The following ATP5PO variants were observed in gnomAD, a reference collection of about 807,000 sequenced individuals.
ATP5PO encodes ATP synthase peripheral stalk subunit OSCP, also known as ATP synthase peripheral stalk subunit OSCP, mitochondrial.
A neutral mutation model predicts 26.2 loss-of-function variants in ATP5PO; 14 were observed. The ratio of observed to expected loss-of-function variants is 0.53; its 90% CI spans 0.35 to 0.83. The LOEUF (loss-of-function observed/expected upper bound fraction) is 0.83. Ranked by LOEUF, ATP5PO falls within the 40% of genes least tolerant of loss-of-function variation. The pLI is 0.01. For synonymous variants in ATP5PO, 106 were observed against 95.1 expected (o/e 1.12, Z -0.67); for missense variants, 241 against 258.5 (o/e 0.93, Z 0.46).
chr21:33,908,006 A>T (rs1987196627), intron 4 of ATP5PO, among the ~76,000 whole-genome samples: 1 of 151,788 alleles, frequency 6.6e-6, no homozygotes, highest in Non-Finnish European at 1.5e-5. Flanking sequence ...AAAAAACTAA[A>T]AAATTAGCTG....
chr21:33,913,886 TCTC>T (rs951775562), intron 2 of ATP5PO, among the ~76,000 whole-genome samples: 56 of 152,176 alleles, frequency 3.7e-4, no homozygotes, highest in African/African-American at 1.3e-3. Flanking sequence ...CTCAAGCAAT[TCTC>T]CTACCTCAGC....
At chr21:33,911,166 G>T (rs888950432) in intron 3 of ATP5PO, among the ~76,000 whole-genome samples, 2 of 152,172 alleles carry the variant, frequency 1.3e-5, no homozygotes, top group Non-Finnish European at 2.9e-5. Flanking sequence ...GCAACAGAAT[G>T]TGTAGAAACT....
At chr21:33,914,272 A>G (rs1194304272) in intron 2 of ATP5PO, among the ~76,000 whole-genome samples, 178 bp downstream of exon 2, 1 of 152,244 alleles carries the variant, frequency 6.6e-6, no homozygotes, top group Non-Finnish European at 1.5e-5. Context: ...CCTGTCAAAA[A>G]GCAAATACTC....
Position 33,903,996 on chromosome 21 carries a change from T to A in ATP5PO, c.467A>T (p.Glu156Val), listed in dbSNP as rs1987136560. 6.2e-7 allele frequency: 1 copy of A among 1,613,536 alleles called. No homozygotes were observed. Among genetic ancestry groups the A allele is most frequent in the Non-Finnish European group, 8.5e-7 (1 of 1,179,752 alleles). The stretch of plus-strand genomic sequence containing the variant: ...GAAGCTCTTGAGGACAGTTTTTAAT[T>A]CAGAGAGTGTGGCTTCTTCTAAAGG... ...ASPLEEATLS[E>V]LKTVLKSFLS... The change falls in exon 6 of 7, where the codon GAA becomes GTA. Residue 156 changes from glutamate (E) to valine (V), a missense_variant. Physicochemically the swap from Glu to Val is moderately radical, Grantham distance 121. Around this residue, in one of 3 missense-constraint regions of ATP5PO, gnomAD observed 77 missense variants for 74.5 expected, o/e 1.03. Transcript: ENST00000290299.
At chr21:33,913,526 C>T (rs1987275198) in intron 2 of ATP5PO, among the ~76,000 whole-genome samples, 1 of 152,122 alleles carries the variant, frequency 6.6e-6, no homozygotes, top group Non-Finnish European at 1.5e-5. Flanking sequence ...CTTCATGTTC[C>T]AACAGGGTTG....
chr21:33,906,915 C>T (rs556064800), intron 5 of ATP5PO: 22 of 383,872 alleles, frequency 5.7e-5, no homozygotes, highest in South Asian at 4.2e-4. Context: ...CACCTGAGCC[C>T]AGGAGGTTGA....
chr21:33,903,914 C>T (rs778408670), intron 6 of ATP5PO, 21 bp downstream of exon 6: 26 of 1,576,162 alleles, frequency 1.6e-5, no homozygotes, highest in Non-Finnish European at 2.1e-5. Flanking sequence ...GAAAACGTAC[C>T]ATAAATAATT....
chr21:33,915,750 G>C lies in ATP5PO; in HGVS notation c.14C>G (p.Ala5Gly). Residue 5 changes from alanine to glycine, a missense_variant, in exon 1 of 7, where the codon GCA (alanine) becomes GGA (glycine). Ala to Gly is a moderately conservative substitution (Grantham distance 60, BLOSUM62 0). Coordinates refer to ENST00000290299, the MANE Select transcript of ATP5PO (RefSeq NM_001697.3). ...CACCTGCCGGGAGAGCCCGGACACT[G>C]CTGGGGCAGCCATCTTCTCCCGGGC... is the stretch of plus-strand genomic sequence containing the variant. MAAP[A>G]VSGLSRQVRC... 1 of 1,576,398 alleles carries C rather than the reference G, an allele frequency of 6.3e-7. No individual in the cohort carries two copies. Among genetic ancestry groups the C allele is most frequent in the Middle Eastern group, 1.7e-4 (1 of 6,018 alleles).
chr21:33,914,740 T>G, intron 1 of ATP5PO: 1 of 489,162 alleles, frequency 2.0e-6, no homozygotes, highest in Non-Finnish European at 3.6e-6. Context: ...TTGCTAGGAA[T>G]GGACCGAGGC....
chr21:33,914,415 A>G (rs761317773), intron 2 of ATP5PO, 35 bp downstream of exon 2: 15 of 1,595,420 alleles, frequency 9.4e-6, no homozygotes, highest in Non-Finnish European at 1.3e-5. Flanking sequence ...ACTTTCGCGT[A>G]CTTTATCATT....
At chr21:33,904,894 T>C (rs6517195) in intron 5 of ATP5PO, among the ~76,000 whole-genome samples, 49,480 of 151,884 alleles carry the variant, frequency 0.33, 8,124 homozygotes, top group African/African-American at 0.39. Context: ...GCGCATGCCA[T>C]CACACCCGGC....
chr21:33,903,732 TGTAA>T (rs1393760882), intron 6 of ATP5PO, 93 bp from the exon 7 acceptor site: 1 of 1,360,214 alleles, frequency 7.4e-7, no homozygotes, highest in Non-Finnish European at 1.0e-6. Flanking sequence ...GTTGCACAAA[TGTAA>T]GAGGTTATAA....
Position 33,915,064 on chromosome 21 carries a change from C to A in ATP5PO, c.37-564G>T, listed in dbSNP as rs1011835773. On this transcript the variant is annotated intron_variant, in intron 1 of 6. Coordinates refer to ENST00000290299, the MANE Select transcript of ATP5PO (RefSeq NM_001697.3). Reference sequence around the variant, plus strand: ...AGATCACAGGTCACCTTCAAATACTCCAGCTATGGAACGTGTTTTATCAAA... The same window carrying A: ...AGATCACAGGTCACCTTCAAATACTACAGCTATGGAACGTGTTTTATCAAA... 7.8e-5 allele frequency: 12 copies of A among 153,426 alleles called. No individual in the cohort carries two copies. In the Admixed American group the frequency reaches 7.8e-4, roughly 10 times the overall value. The allele number at this position is 153,426 out of a possible 1,614,324, so 9.5% of individuals were successfully genotyped here.
chr21:33,909,529 G>A (rs1340627928), intron 3 of ATP5PO, among the ~76,000 whole-genome samples: 3 of 152,090 alleles, frequency 2.0e-5, no homozygotes, highest in African/African-American at 7.2e-5. Flanking sequence ...GCCTCCCAAA[G>A]TGCTGCGATT....
intron 3 of ATP5PO, among the ~76,000 whole-genome samples, chr21:33,909,448 T>C (rs1479453830): frequency 6.6e-6 from 1 of 152,076 alleles, no homozygotes; most frequent in East Asian, 1.9e-4. Flanking sequence ...GTATTTTTAG[T>C]AGAAACGGGG....
intron 5 of ATP5PO, chr21:33,906,438 T>C (rs1987173665): frequency 3.0e-6 from 1 of 329,210 alleles, no homozygotes. Flanking sequence ...GTGTTCAAAT[T>C]CTAGTCCCAC....
At position 33,903,619 on chromosome 21, in the gene ATP5PO, AC is replaced by A. The variant is rs1217076799; in HGVS notation, c.548del (p.Gly183ValfsTer3). On this transcript the variant is annotated frameshift_variant, in exon 7 of 7. Transcript: ENST00000290299. LOFTEE classifies it high-confidence loss of function. ...TCTCGCCAATGCGCACAATCATTCC[AC>A]CCAAGATTGACGGATCAGTCTACAA... ...LEAKTDPSIL[G>X]GMIVRIGEKY... 1 of 1,614,148 alleles carries A rather than the reference AC, an allele frequency of 6.2e-7. No individual in the cohort carries two copies. Among genetic ancestry groups the A allele is most frequent in the South Asian group, 1.1e-5 (1 of 91,086 alleles).
intron 6 of ATP5PO, 34 bp downstream of exon 6, chr21:33,903,901 C>A: frequency 6.5e-7 from 1 of 1,549,020 alleles, no homozygotes; most frequent in South Asian, 1.2e-5. Context: ...TAAAATAACC[C>A]GAGAAAACGT....
At chr21:33,906,603 C>T in intron 5 of ATP5PO, 1 of 384,808 alleles carries the variant, frequency 2.6e-6, no homozygotes, top group Admixed American at 2.9e-5. Context: ...AAACGGTAGC[C>T]AATTATAGCC....
Sources: gnomAD v4.1 joint callset for allele counts (sites outside exome capture counted in the v4.1 genomes callset) on GRCh38, gnomAD v4.1.1 for gene constraint, gnomAD v4.1.1 regional missense constraint, MANE v1.5 for transcripts, NCBI Gene and HGNC (gene_info 2026-07-23, HGNC 2026-07-21) for gene names.